KIF1A: variants seen among roughly 807,000 people sequenced by gnomAD.
The protein encoded by KIF1A is kinesin-like protein KIF1A.
Under a neutral mutation model 227.3 loss-of-function variants are expected in KIF1A, and 46 were observed. The observed-to-expected ratio is 0.20, with a 90% confidence interval of 0.16 to 0.26. The LOEUF is 0.26. KIF1A is among the 10% of genes least tolerant of loss of function. The pLI, the probability that KIF1A is intolerant of heterozygous loss-of-function variation, is 1.00. For missense variants in KIF1A, 1,683 were observed against 2,485.9 expected (o/e 0.68, Z 6.87); for synonymous variants, 1,022 against 1,012.8 (o/e 1.01, Z -0.17).
chr2:240,749,755 G>C (rs1361908513), intron 28 of KIF1A, among the ~76,000 whole-genome samples: 1 of 152,226 alleles, frequency 6.6e-6, no homozygotes, highest in Non-Finnish European at 1.5e-5. Flanking sequence ...CTCTGGGGCT[G>C]CCCTGGTGCC....
chr2:240,770,878 G>A, intron 15 of KIF1A, 93 bp downstream of exon 15: 1 of 1,460,964 alleles, frequency 6.8e-7, no homozygotes, highest in South Asian at 1.2e-5. Flanking sequence ...TATGAGGATG[G>A]GCTGTACCCA....
chr2:240,796,591 T>C (rs1035148119), intron 2 of KIF1A, among the ~76,000 whole-genome samples: 2 of 152,142 alleles, frequency 1.3e-5, no homozygotes, highest in African/African-American at 2.4e-5. Flanking sequence ...CAATTCACCA[T>C]GAAGAACAGT....
At chr2:240,803,455 C>A (rs544901749) in intron 1 of KIF1A, among the ~76,000 whole-genome samples, 1 of 152,368 alleles carries the variant, frequency 6.6e-6, no homozygotes, top group East Asian at 1.9e-4. Flanking sequence ...TCAGTCTCCA[C>A]GCAGGTCTGC....
chr2:240,721,931 C>T, intron 43 of KIF1A, 47 bp from the exon 44 acceptor site: 1 of 1,496,552 alleles, frequency 6.7e-7, no homozygotes, highest in Non-Finnish European at 9.1e-7. Flanking sequence ...CTCCCGGGAC[C>T]CTGCTCAGAC....
Position 240,757,441 on chromosome 2 carries a change from C to CTCA in KIF1A, c.2735_2736insTGA (p.Glu911_Glu912insAsp). ...CCTCCTCATCCTCCTCCTCCTCCTC[C>CTCA]TCCTCCTCCTCCTCCCCCACGCTCT... On this transcript the variant is annotated inframe_insertion, in exon 27 of 49. Transcript: ENST00000498729. This position sits in a 1 kb window ranked among gnomAD's most constrained non-coding sequence, Gnocchi z 6.2. 1 of 1,549,554 alleles carries CTCA rather than the reference C, an allele frequency of 6.5e-7. No individual in the cohort carries two copies. The highest frequency in any genetic ancestry group is 8.7e-7 in the Non-Finnish European group (1 of 1,146,190).
intron 38 of KIF1A, among the ~76,000 whole-genome samples, chr2:240,731,874 G>A (rs1368785713): frequency 6.8e-6 from 1 of 146,406 alleles, no homozygotes; most frequent in East Asian, 2.1e-4. Flanking sequence ...GGGGATTGGG[G>A]GGTAAGGGAT....
In KIF1A at chr2:240,719,689, C is replaced by A. The variant is rs750065067; in HGVS notation, c.5021+85G>T. On this transcript the variant is annotated intron_variant, in intron 46 of 48. Coordinates refer to ENST00000498729, the MANE Select transcript of KIF1A (RefSeq NM_001244008.2). Reference sequence around the variant, plus strand: ...CTCCCCAAGTATGAGGGTCCCTGTGCCCCCAGTATGGGGAGCAGGGTGGCC... The same window carrying A: ...CTCCCCAAGTATGAGGGTCCCTGTGACCCCAGTATGGGGAGCAGGGTGGCC... 11 of 1,382,288 alleles carry A rather than the reference C, an allele frequency of 8.0e-6. No homozygotes were observed. The East Asian group carries it at 8.2e-5, about 10-fold the overall frequency. The allele number at this position is 1,382,288 out of a possible 1,614,324, so 85.6% of individuals were successfully genotyped here.
At chr2:240,819,130 G>C (rs1375185692) in intron 1 of KIF1A, among the ~76,000 whole-genome samples, 1 of 151,968 alleles carries the variant, frequency 6.6e-6, no homozygotes, top group East Asian at 2.0e-4. Flanking sequence ...CCGCTCCTGC[G>C]GACCCTCCCT....
intron 46 of KIF1A, 136 bp from the exon 47 acceptor site, chr2:240,719,334 G>T (rs1162489792): frequency 3.1e-6 from 3 of 974,126 alleles, no homozygotes; most frequent in Non-Finnish European, 4.5e-6. Flanking sequence ...TCGAGGCATC[G>T]AAGGGCACCT....
At chr2:240,777,455 C>T (rs1249158115) in intron 10 of KIF1A, among the ~76,000 whole-genome samples, 1 of 152,150 alleles carries the variant, frequency 6.6e-6, no homozygotes, top group African/African-American at 2.4e-5. Flanking sequence ...CAGCAAGGAG[C>T]CCAGCAGCCC....
intron 17 of KIF1A, among the ~76,000 whole-genome samples, chr2:240,768,327 G>C (rs1401592578): frequency 6.6e-6 from 1 of 152,238 alleles, no homozygotes; most frequent in Non-Finnish European, 1.5e-5. Flanking sequence ...GACACTGCCT[G>C]TCCCGGCCCT....
chr2:240,767,747 C>A (rs1162860508), intron 17 of KIF1A, among the ~76,000 whole-genome samples: 1 of 152,184 alleles, frequency 6.6e-6, no homozygotes, highest in African/African-American at 2.4e-5. Context: ...CCTGGGTTCC[C>A]AGCTTTGGAC....
intron 7 of KIF1A, among the ~76,000 whole-genome samples, chr2:240,784,348 G>A (rs1361456372): frequency 6.6e-6 from 1 of 152,126 alleles, no homozygotes; most frequent in Admixed American, 6.5e-5. Flanking sequence ...TACAGGGCAG[G>A]ACTTGCCCAC....
intron 28 of KIF1A, 89 bp downstream of exon 28, chr2:240,750,340 G>A: frequency 1.1e-6 from 1 of 885,932 alleles, no homozygotes; most frequent in Non-Finnish European, 1.8e-6. Flanking sequence ...ATGCCAGAAG[G>A]CCCTTCTTGG....
chr2:240,741,089 T>TTGTC (rs1160523264), intron 35 of KIF1A, among the ~76,000 whole-genome samples, 180 bp downstream of exon 35: 1 of 152,140 alleles, frequency 6.6e-6, no homozygotes, highest in African/African-American at 2.4e-5. Context: ...CTCCAGGACT[T>TTGTC]TGTCTGCTTT....
At chr2:240,719,307 C>T (rs1189114817) in intron 46 of KIF1A, 109 bp from the exon 47 acceptor site, 3 of 1,273,896 alleles carry the variant, frequency 2.4e-6, no homozygotes, top group Non-Finnish European at 3.2e-6. Flanking sequence ...CAACCACCTC[C>T]CCAGCCAGAA....
intron 10 of KIF1A, chr2:240,782,082 G>A: frequency 1.0e-6 from 1 of 985,328 alleles, no homozygotes; most frequent in South Asian, 4.7e-5. Flanking sequence ...TTTCACGGCT[G>A]CCCACGCGGT....
In KIF1A at chr2:240,788,478, G is replaced by A. The variant is rs149237578; in HGVS notation, c.184-248C>T. On this transcript the variant is annotated intron_variant, in intron 3 of 48. Coordinates refer to ENST00000498729, the MANE Select transcript of KIF1A (RefSeq NM_001244008.2). This position sits in a 1 kb window ranked among gnomAD's most constrained non-coding sequence, Gnocchi z 6.6. ...GAGGCAGGACGGGTTCCAGCAGAGG[G>A]AACAGCATGTGAAAGGCCCAGAGGT... Among the ~76,000 whole-genome samples the A allele has an allele frequency of 1.8e-4, 28 of 152,310 alleles. No individual in the cohort carries two copies. The highest frequency in any genetic ancestry group is 6.5e-4 in the African/African-American group (27 of 41,550).
chr2:240,784,824 G>T (rs1402338782), intron 7 of KIF1A, among the ~76,000 whole-genome samples, 165 bp downstream of exon 7: 1 of 152,040 alleles, frequency 6.6e-6, no homozygotes, highest in African/African-American at 2.4e-5. Context: ...GGCGGGGGGG[G>T]GGACGTCCAC....
Sources: gnomAD v4.1 joint callset for allele counts (sites outside exome capture counted in the v4.1 genomes callset) on GRCh38, gnomAD v4.1.1 for gene constraint, Gnocchi (gnomAD v3.1) non-coding constraint, MANE v1.5 for transcripts, NCBI Gene and HGNC (gene_info 2026-07-23, HGNC 2026-07-21) for gene names.